The following BCR variants were observed in gnomAD, a reference collection of about 807,000 sequenced individuals.
The protein encoded by BCR is BCR activator of RhoGEF and GTPase.
In BCR, 58 loss-of-function variants were observed where a neutral mutation model predicts 138.6. That is an observed-to-expected ratio of 0.42 (90% CI 0.34 to 0.52). BCR has a LOEUF of 0.52. BCR is among the 20% of genes least tolerant of loss of function. The probability of loss-of-function intolerance (pLI) is 0.06; values close to 1 mark genes in which losing one functional copy is unlikely to be tolerated. For missense variants in BCR, 1,599 were observed against 1,727.2 expected (o/e 0.93, Z 1.32); for synonymous variants, 786 against 730.1 (o/e 1.08, Z -1.23).
At chr22:23,292,424 A>C (rs2073798494) in intron 14 of BCR, 117 bp from the exon 15 acceptor site, 3 of 834,480 alleles carry the variant, frequency 3.6e-6, no homozygotes, top group South Asian at 1.5e-5. Flanking sequence ...AGAAAGTTAC[A>C]ACCTTTTTTT....
intron 1 of BCR, among the ~76,000 whole-genome samples, chr22:23,242,633 G>C (rs369330614): frequency 6.6e-6 from 1 of 152,160 alleles, no homozygotes; most frequent in Non-Finnish European, 1.5e-5. Context: ...TCTGTTGGTC[G>C]CATTCTTCTC....
intron 1 of BCR, among the ~76,000 whole-genome samples, chr22:23,195,317 G>A (rs2146204024): frequency 1.3e-5 from 2 of 152,006 alleles, no homozygotes; most frequent in South Asian, 2.1e-4. Context: ...CTACTTGGGA[G>A]GCTGAGGCGG....
chr22:23,190,111 C>G (rs2072395139), intron 1 of BCR, among the ~76,000 whole-genome samples: 1 of 152,188 alleles, frequency 6.6e-6, no homozygotes, highest in African/African-American at 2.4e-5. Flanking sequence ...TGCCTCTGCA[C>G]ATGGTCTTTT....
intron 8 of BCR, among the ~76,000 whole-genome samples, chr22:23,279,098 T>G (rs781116297): frequency 6.6e-6 from 1 of 152,192 alleles, no homozygotes; most frequent in Non-Finnish European, 1.5e-5. Context: ...ATGAGATGTT[T>G]TACGTCATGC....
Position 23,295,006 on chromosome 22 carries a change from T to C in BCR, c.2881-18T>C, listed in dbSNP as rs113034551. Reference sequence around the variant, plus strand: ...CCGTTTGTTCACACTGGACTTCCCTTCTCCCTTGGGGCTGCAGGAATTTGA... The same window carrying C: ...CCGTTTGTTCACACTGGACTTCCCTCCTCCCTTGGGGCTGCAGGAATTTGA... On this transcript the variant is annotated intron_variant, in intron 15 of 22. Coordinates refer to ENST00000305877, the MANE Select transcript of BCR (RefSeq NM_004327.4). The C allele has an allele frequency of 1.9e-5, 30 of 1,613,114 alleles. No individual in the cohort carries two copies. The African/African-American group carries it at 3.7e-4, about 20-fold the overall frequency.
chr22:23,199,568 G>A (rs1249711009), intron 1 of BCR, among the ~76,000 whole-genome samples: 3 of 152,146 alleles, frequency 2.0e-5, no homozygotes, highest in African/African-American at 4.8e-5. Context: ...GGGGTCTGCC[G>A]CCTAATACCA....
intron 1 of BCR, among the ~76,000 whole-genome samples, chr22:23,242,010 C>A (rs2073098919): frequency 6.6e-6 from 1 of 152,198 alleles, no homozygotes; most frequent in Non-Finnish European, 1.5e-5. Context: ...TTCCAGCCCC[C>A]CTTAGCTCTT....
intron 8 of BCR, among the ~76,000 whole-genome samples, chr22:23,277,376 G>A (rs1469505753): frequency 1.3e-5 from 2 of 152,176 alleles, no homozygotes; most frequent in Non-Finnish European, 2.9e-5. Flanking sequence ...TGTGCCCCTC[G>A]GGTGTGTTAC....
At chr22:23,302,305 A>C (rs1047105342) in intron 16 of BCR, 4 of 152,938 alleles carry the variant, frequency 2.6e-5, no homozygotes, top group South Asian at 2.1e-4. Flanking sequence ...AGACAGGCAC[A>C]TGAGCAGCTT....
chr22:23,211,757 G>A lies in BCR; in HGVS notation c.1279+29518G>A, dbSNP rs1321878850. Among the ~76,000 whole-genome samples, 5 of 152,162 alleles carry A rather than the reference G, an allele frequency of 3.3e-5. No individual in the cohort carries two copies. In the South Asian group the frequency reaches 8.3e-4, roughly 25 times the overall value. ...ACTCCTAACCTCAGGTGATCCACCC[G>A]CCTTGGCCTCCCAGAGTGCTGGGAT... is the stretch of plus-strand genomic sequence containing the variant. On this transcript the variant is annotated intron_variant, in intron 1 of 22. Coordinates refer to ENST00000305877, the MANE Select transcript of BCR (RefSeq NM_004327.4).
intron 1 of BCR, among the ~76,000 whole-genome samples, chr22:23,252,763 CT>C (rs2073245877): frequency 6.6e-6 from 1 of 152,182 alleles, no homozygotes; most frequent in African/African-American, 2.4e-5. Flanking sequence ...CCCAACCCCC[CT>C]GTATGGGGGA....
chr22:23,198,810 AG>A (rs1213991773), intron 1 of BCR, among the ~76,000 whole-genome samples: 2 of 152,082 alleles, frequency 1.3e-5, no homozygotes, highest in African/African-American at 2.4e-5. Context: ...GCAGCTGGTG[AG>A]GTACTGTTAG....
chr22:23,310,859 T>C (rs917201404), intron 18 of BCR, among the ~76,000 whole-genome samples: 1 of 151,846 alleles, frequency 6.6e-6, no homozygotes, highest in Non-Finnish European at 1.5e-5. Context: ...GCTGGGCCTC[T>C]GACCTTGCTG....
intron 1 of BCR, among the ~76,000 whole-genome samples, chr22:23,185,621 G>C (rs564983447): frequency 6.6e-6 from 1 of 151,630 alleles, no homozygotes; most frequent in East Asian, 2.0e-4. Flanking sequence ...AGCCGAGATC[G>C]CTGGGCTGCA....
chr22:23,188,322 G>A (rs903138393), intron 1 of BCR, among the ~76,000 whole-genome samples: 1 of 152,220 alleles, frequency 6.6e-6, no homozygotes, highest in Non-Finnish European at 1.5e-5. Context: ...AAGGAGCTGG[G>A]AGTGCTGTTG....
chr22:23,191,300 A>G (rs1388610577), intron 1 of BCR, among the ~76,000 whole-genome samples: 2 of 152,210 alleles, frequency 1.3e-5, no homozygotes, highest in African/African-American at 4.8e-5. Flanking sequence ...TGTCTCCCTT[A>G]TTAAAAACGA....
At chr22:23,182,884 C>T (rs1293257901) in intron 1 of BCR, among the ~76,000 whole-genome samples, 3 of 152,192 alleles carry the variant, frequency 2.0e-5, no homozygotes, top group Admixed American at 6.5e-5. Flanking sequence ...AAATCAACTG[C>T]ATGGAGATTT....
chr22:23,248,060 G>C (rs995248959), intron 1 of BCR, among the ~76,000 whole-genome samples: 2 of 152,140 alleles, frequency 1.3e-5, no homozygotes, highest in African/African-American at 4.8e-5. Flanking sequence ...AGTTCTTTTA[G>C]AGGCTGGGCG....
intron 1 of BCR, among the ~76,000 whole-genome samples, chr22:23,238,928 C>T (rs1314317486): frequency 6.6e-6 from 1 of 151,818 alleles, no homozygotes; most frequent in Non-Finnish European, 1.5e-5. Context: ...TCTGTCGGGT[C>T]GGGTCAGGCC....
Sources: allele counts gnomAD v4.1 joint callset (sites outside exome capture counted in the v4.1 genomes callset), GRCh38; gene constraint gnomAD v4.1.1; transcripts MANE v1.5; gene names NCBI Gene and HGNC (gene_info 2026-07-23, HGNC 2026-07-21).